ATP8B4: variants seen among roughly 807,000 people sequenced by gnomAD.
ATP8B4 encodes the protein ATPase phospholipid transporting 8B4 (putative).
In ATP8B4, 133 loss-of-function variants were observed where a neutral mutation model predicts 145.6. The ratio of observed to expected loss-of-function variants is 0.91; its 90% CI spans 0.79 to 1.05. The LOEUF is 1.05. ATP8B4 is among the 50% of genes least tolerant of loss of function. The pLI, the probability that ATP8B4 is intolerant of heterozygous loss-of-function variation, is 0.00. For missense variants in ATP8B4, 1,458 were observed against 1,425.2 expected (o/e 1.02, Z -0.37); for synonymous variants, 507 against 492.9 (o/e 1.03, Z -0.38).
intron 8 of ATP8B4, among the ~76,000 whole-genome samples, chr15:50,001,451 T>G (rs2047887482): frequency 6.6e-6 from 1 of 152,206 alleles, no homozygotes; most frequent in East Asian, 1.9e-4. Context: ...ACTGCCAGGT[T>G]CGAGTCCTGG....
At chr15:49,928,138 G>A (rs1405609104) in intron 16 of ATP8B4, among the ~76,000 whole-genome samples, 2 of 152,148 alleles carry the variant, frequency 1.3e-5, no homozygotes, top group Non-Finnish European at 2.9e-5. Flanking sequence ...GAAGACTAAG[G>A]TACAGCACTT....
chr15:50,159,094 T>C (rs1400194881), intron 1 of ATP8B4, among the ~76,000 whole-genome samples: 2 of 151,964 alleles, frequency 1.3e-5, no homozygotes, highest in African/African-American at 2.4e-5. Flanking sequence ...CACCCAAGAA[T>C]GATCAATAAA....
At chr15:50,147,848 A>C (rs1252008014) in intron 1 of ATP8B4, among the ~76,000 whole-genome samples, 1 of 152,228 alleles carries the variant, frequency 6.6e-6, no homozygotes, top group Non-Finnish European at 1.5e-5. Flanking sequence ...CCCTCTCAGA[A>C]CCACCATAGA....
chr15:50,150,343 C>A (rs1233173730), intron 1 of ATP8B4, among the ~76,000 whole-genome samples: 2 of 152,166 alleles, frequency 1.3e-5, no homozygotes, highest in African/African-American at 4.8e-5. Context: ...GCATGGCCTA[C>A]CCCAGATCCA....
At chr15:49,871,307 T>C (rs767624713) in intron 25 of ATP8B4, among the ~76,000 whole-genome samples, 6 of 152,260 alleles carry the variant, frequency 3.9e-5, no homozygotes, top group African/African-American at 7.2e-5. Context: ...TTTGTTCTCA[T>C]ATTTCTTGAA....
chr15:50,076,493 A>G (rs764373720), intron 2 of ATP8B4, among the ~76,000 whole-genome samples: 2 of 151,994 alleles, frequency 1.3e-5, no homozygotes, highest in Non-Finnish European at 2.9e-5. Flanking sequence ...TCCATCTCAA[A>G]AAAAAAAGAA....
At chr15:50,098,296 TTTTTTTTTTTTTTTA>T (rs1387632022) in intron 2 of ATP8B4, among the ~76,000 whole-genome samples, 10 of 77,226 alleles carry the variant, frequency 1.3e-4, no homozygotes, top group Admixed American at 4.1e-4. Context: ...TTTTTTTTTT[TTTTTTTTTTTTTTTA>T]GATAGGGTCT....
At chr15:49,974,414 A>C (rs914497418) in intron 12 of ATP8B4, among the ~76,000 whole-genome samples, 1 of 142,178 alleles carries the variant, frequency 7.0e-6, no homozygotes, top group African/African-American at 2.7e-5. Flanking sequence ...TTTTTTTTAG[A>C]GACAGGGTCT....
chr15:50,148,848 T>A (rs2044310985), intron 1 of ATP8B4, among the ~76,000 whole-genome samples: 1 of 152,224 alleles, frequency 6.6e-6, no homozygotes, highest in Non-Finnish European at 1.5e-5. Context: ...GTTATAATTC[T>A]GTTGTAGTTA....
intron 1 of ATP8B4, among the ~76,000 whole-genome samples, chr15:50,110,295 G>A (rs1265708968): frequency 6.6e-6 from 1 of 152,110 alleles, no homozygotes; most frequent in African/African-American, 2.4e-5. Flanking sequence ...TCTTTTTCTA[G>A]TAGCAATGGC....
At chr15:49,941,274 C>A (rs2042145293) in intron 14 of ATP8B4, among the ~76,000 whole-genome samples, 1 of 152,050 alleles carries the variant, frequency 6.6e-6, no homozygotes, top group Non-Finnish European at 1.5e-5. Flanking sequence ...AGAGGAGGTT[C>A]CTGGACTTGG....
intron 9 of ATP8B4, among the ~76,000 whole-genome samples, chr15:49,991,070 G>A (rs1599669096): frequency 1.3e-5 from 2 of 152,016 alleles, no homozygotes; most frequent in Admixed American, 1.3e-4. Flanking sequence ...TATTCTTCAC[G>A]CCTTTACATG....
intron 4 of ATP8B4, 116 bp from the exon 5 acceptor site, chr15:50,044,808 G>T: frequency 1.6e-6 from 1 of 616,496 alleles, no homozygotes; most frequent in Non-Finnish European, 2.7e-6. Context: ...TACAAATGGA[G>T]AATGACTTTC....
intron 1 of ATP8B4, among the ~76,000 whole-genome samples, chr15:50,145,638 A>C (rs1595644727): frequency 6.6e-6 from 1 of 151,402 alleles, no homozygotes; most frequent in Non-Finnish European, 1.5e-5. Flanking sequence ...TAGGCCCCCT[A>C]CTCTCTTCAC....
At position 49,966,947 on chromosome 15, in the gene ATP8B4, G is replaced by A. The variant is rs185055512; in HGVS notation, c.1244-4927C>T. ...AACAGGCAGCAATTTTTGCTGTTCT[G>A]CAGCCTCCGCTGGTGATACTCAGGC... On this transcript the variant is annotated intron_variant, in intron 13 of 27. Coordinates refer to ENST00000284509, the MANE Select transcript of ATP8B4 (RefSeq NM_024837.4). Among the ~76,000 whole-genome samples the A allele has an allele frequency of 9.0e-4, 137 of 152,300 alleles. 1 individual carries two copies. The highest frequency in any genetic ancestry group is 3.2e-3 in the African/African-American group (131 of 41,566).
At chr15:50,126,866 A>AC (rs773393221) in intron 1 of ATP8B4, among the ~76,000 whole-genome samples, 115 of 149,578 alleles carry the variant, frequency 7.7e-4, no homozygotes, top group Middle Eastern at 3.4e-3. Flanking sequence ...CAGCCCCCAC[A>AC]CCCCCCCGCC....
chr15:50,005,736 G>A (rs981669751), intron 7 of ATP8B4, among the ~76,000 whole-genome samples: 1 of 152,166 alleles, frequency 6.6e-6, no homozygotes, highest in Non-Finnish European at 1.5e-5. Flanking sequence ...TTTTCCTCTG[G>A]TGGGCTACTA....
At chr15:50,072,730 G>T (rs1427446409) in intron 3 of ATP8B4, among the ~76,000 whole-genome samples, 1 of 151,318 alleles carries the variant, frequency 6.6e-6, no homozygotes, top group South Asian at 2.1e-4. Flanking sequence ...GGTTCAAGCG[G>T]TTCTCCTGCC....
chr15:50,115,587 G>T (rs1234596680), intron 1 of ATP8B4, among the ~76,000 whole-genome samples: 2 of 151,966 alleles, frequency 1.3e-5, no homozygotes, highest in African/African-American at 4.8e-5. Flanking sequence ...TGAAAGGGAA[G>T]GAAGGTTTGC....
Sources: gnomAD v4.1 joint callset for allele counts (sites outside exome capture counted in the v4.1 genomes callset) on GRCh38, gnomAD v4.1.1 for gene constraint, MANE v1.5 for transcripts, NCBI Gene and HGNC (gene_info 2026-07-23, HGNC 2026-07-21) for gene names.